The following CPQ variants were observed in gnomAD, a reference collection of about 807,000 sequenced individuals.
The protein encoded by CPQ is carboxypeptidase Q.
Under a neutral mutation model 45.7 loss-of-function variants are expected in CPQ, and 37 were observed. The ratio of observed to expected loss-of-function variants is 0.81; its 90% CI spans 0.62 to 1.07. CPQ has a LOEUF of 1.07. Ranked by LOEUF, CPQ falls within the 50% of genes least tolerant of loss-of-function variation. The pLI is 0.00. For synonymous variants in CPQ, 186 were observed against 205.8 expected (o/e 0.90, Z 0.82); for missense variants, 537 against 572.9 (o/e 0.94, Z 0.64).
chr8:97,054,405 G>T (rs1398753546), intron 6 of CPQ, among the ~76,000 whole-genome samples: 4 of 152,146 alleles, frequency 2.6e-5, no homozygotes, highest in Admixed American at 2.6e-4. Flanking sequence ...ATTCTATCCA[G>T]CAATCCCACT....
At chr8:96,674,864 G>A (rs973681883) in intron 1 of CPQ, among the ~76,000 whole-genome samples, 1 of 152,034 alleles carries the variant, frequency 6.6e-6, no homozygotes, top group African/African-American at 2.4e-5. Flanking sequence ...ATGATTTAAA[G>A]GACTTTTTGA....
chr8:97,034,955 C>T (rs1041082568), intron 6 of CPQ, among the ~76,000 whole-genome samples: 2 of 150,834 alleles, frequency 1.3e-5, no homozygotes, highest in Non-Finnish European at 3.0e-5. Context: ...CAGTGTGGCA[C>T]GATCTCAGCT....
chr8:96,691,541 T>G (rs1034322448), intron 1 of CPQ, among the ~76,000 whole-genome samples: 1 of 152,188 alleles, frequency 6.6e-6, no homozygotes, highest in Non-Finnish European at 1.5e-5. Flanking sequence ...TATATAGCAA[T>G]GTCTTTGTGA....
chr8:97,008,199 T>C (rs1305537616), intron 5 of CPQ, among the ~76,000 whole-genome samples: 1 of 152,208 alleles, frequency 6.6e-6, no homozygotes, highest in Non-Finnish European at 1.5e-5. Flanking sequence ...CAGAATTATT[T>C]GCTCAGAAAA....
At chr8:96,743,642 A>T (rs1173928857) in intron 1 of CPQ, among the ~76,000 whole-genome samples, 1 of 152,156 alleles carries the variant, frequency 6.6e-6, no homozygotes, top group African/African-American at 2.4e-5. Flanking sequence ...GGTGATGTAC[A>T]GATGGGTTTT....
intron 5 of CPQ, among the ~76,000 whole-genome samples, chr8:96,984,322 T>TATGTTGGAA (rs1203810456): frequency 6.6e-6 from 1 of 152,298 alleles, no homozygotes; most frequent in African/African-American, 2.4e-5. Flanking sequence ...CCAAGTTTCC[T>TATGTTGGAA]ATGTTGGAAA....
chr8:97,049,379 C>T (rs1314691921), intron 6 of CPQ, among the ~76,000 whole-genome samples: 2 of 152,208 alleles, frequency 1.3e-5, no homozygotes, highest in Non-Finnish European at 2.9e-5. Context: ...CCAGCTGCGA[C>T]AGTCTGGCTT....
At chr8:96,695,456 A>C (rs1212880283) in intron 1 of CPQ, among the ~76,000 whole-genome samples, 2 of 151,478 alleles carry the variant, frequency 1.3e-5, no homozygotes, top group African/African-American at 4.9e-5. Flanking sequence ...TAATTAAACT[A>C]AAGAGCTTCT....
chr8:96,907,397 T>G (rs1487044732), intron 4 of CPQ, among the ~76,000 whole-genome samples: 6 of 152,114 alleles, frequency 3.9e-5, no homozygotes, highest in Admixed American at 3.9e-4. Flanking sequence ...AGAACTTCCA[T>G]TCACAAACCA....
rs189323942 is a variant in CPQ, at chr8:96,757,686, A to T, written c.-34-27178A>T. Among the ~76,000 whole-genome samples the T allele has an allele frequency of 3.3e-3, 503 of 151,956 alleles. 7 individuals carry two copies. Among genetic ancestry groups the T allele is most frequent in the African/African-American group, 0.012 (478 of 41,456 alleles). On this transcript the variant is annotated intron_variant, in intron 1 of 7. Coordinates refer to ENST00000220763, the MANE Select transcript of CPQ (RefSeq NM_016134.4). ...CTGACCTTGTTTCATAGAGATGATGACCTTTTACATATTTATGAAGACAGC... is the reference window on the plus strand; with the variant it reads ...CTGACCTTGTTTCATAGAGATGATGTCCTTTTACATATTTATGAAGACAGC...
chr8:96,925,564 G>A (rs149082625), intron 4 of CPQ, among the ~76,000 whole-genome samples: 39 of 152,176 alleles, frequency 2.6e-4, no homozygotes, highest in African/African-American at 8.4e-4. Flanking sequence ...TGTATTTTTA[G>A]TAGAAACAGG....
chr8:96,956,113 G>A (rs920537593), intron 4 of CPQ, among the ~76,000 whole-genome samples: 9 of 152,176 alleles, frequency 5.9e-5, no homozygotes, highest in African/African-American at 2.2e-4. Context: ...GAAAATTTTT[G>A]CAATCTACTT....
intron 1 of CPQ, among the ~76,000 whole-genome samples, chr8:96,778,148 T>C (rs1408443472): frequency 3.3e-5 from 5 of 152,052 alleles, no homozygotes; most frequent in African/African-American, 1.2e-4. Context: ...ATTTATAAAT[T>C]ATATATCAGA....
At chr8:97,122,735 A>C (rs1811728718) in intron 7 of CPQ, among the ~76,000 whole-genome samples, 1 of 151,144 alleles carries the variant, frequency 6.6e-6, no homozygotes, top group Non-Finnish European at 1.5e-5. Context: ...AGATACATAA[A>C]TTAGCCGGAC....
At chr8:96,930,847 A>T (rs1006095602) in intron 4 of CPQ, among the ~76,000 whole-genome samples, 1 of 152,242 alleles carries the variant, frequency 6.6e-6, no homozygotes, top group African/African-American at 2.4e-5. Flanking sequence ...CAACACTGCC[A>T]TGAGAAGGAA....
intron 1 of CPQ, among the ~76,000 whole-genome samples, chr8:96,731,991 A>G (rs1809919692): frequency 6.6e-6 from 1 of 152,190 alleles, no homozygotes; most frequent in East Asian, 1.9e-4. Flanking sequence ...TCCCACCCAG[A>G]CATTAGTAAA....
intron 3 of CPQ, among the ~76,000 whole-genome samples, chr8:96,869,982 C>T (rs951378749): frequency 1.3e-5 from 2 of 151,884 alleles, no homozygotes; most frequent in African/African-American, 4.8e-5. Flanking sequence ...ACTAGGTATG[C>T]AAAAGCAAAA....
intron 1 of CPQ, among the ~76,000 whole-genome samples, chr8:96,674,744 G>A (rs1484643113): frequency 6.6e-6 from 1 of 152,004 alleles, no homozygotes; most frequent in Non-Finnish European, 1.5e-5. Flanking sequence ...TCTTATTTTC[G>A]TTTTGTTTTT....
intron 5 of CPQ, among the ~76,000 whole-genome samples, chr8:97,007,335 G>T (rs1006709026): frequency 2.0e-5 from 3 of 152,138 alleles, no homozygotes; most frequent in African/African-American, 7.2e-5. Context: ...GTCCTCCCAC[G>T]ATGCCCCTAG....
Sources: allele counts gnomAD v4.1 joint callset (sites outside exome capture counted in the v4.1 genomes callset), GRCh38; gene constraint gnomAD v4.1.1; transcripts MANE v1.5; gene names NCBI Gene and HGNC (gene_info 2026-07-23, HGNC 2026-07-21).